Variants in GLIS3 observed in about 807,000 individuals in gnomAD.
The protein encoded by GLIS3 is GLIS family zinc finger 3.
Under a neutral mutation model 78.6 loss-of-function variants are expected in GLIS3, and 53 were observed. That is an observed-to-expected ratio of 0.67 (90% confidence interval 0.54 to 0.85). The LOEUF (loss-of-function observed/expected upper bound fraction) is 0.85, where lower values mean the gene tolerates loss of function less well. Among genes scored for constraint, GLIS3 ranks in the 40% least tolerant of loss-of-function variants. The pLI, the probability that GLIS3 is intolerant of heterozygous loss-of-function variation, is 0.00. For missense variants in GLIS3, 1,703 were observed against 1,231.1 expected (o/e 1.38, Z -5.74); for synonymous variants, 684 against 509.9 (o/e 1.34, Z -4.60).
intron 2 of GLIS3, among the ~76,000 whole-genome samples, chr9:4,148,656 T>C (rs149682375): frequency 3.9e-3 from 597 of 152,216 alleles, no homozygotes; most frequent in Non-Finnish European, 7.0e-3. Flanking sequence ...AGCTTCCTAA[T>C]GCCTATGAAC....
intron 2 of GLIS3, among the ~76,000 whole-genome samples, chr9:4,211,089 C>G (rs1419643188): frequency 6.6e-6 from 1 of 152,204 alleles, no homozygotes; most frequent in Non-Finnish European, 1.5e-5. Context: ...GGCTAAATTC[C>G]TTGAGCATCT....
At chr9:4,326,104 C>T (rs1817594483) in intron 2 of GLIS3, among the ~76,000 whole-genome samples, 1 of 152,170 alleles carries the variant, frequency 6.6e-6, no homozygotes, top group African/African-American at 2.4e-5. Flanking sequence ...GGACGCTGGG[C>T]TTACTTCCTA....
chr9:4,251,579 T>A (rs922040889), intron 2 of GLIS3, among the ~76,000 whole-genome samples: 1 of 152,200 alleles, frequency 6.6e-6, no homozygotes, highest in African/African-American at 2.4e-5. Context: ...CCAATCTGCG[T>A]CTAATTGGGG....
intron 4 of GLIS3, among the ~76,000 whole-genome samples, chr9:4,097,916 T>C (rs1830086984): frequency 6.6e-6 from 1 of 152,182 alleles, no homozygotes; most frequent in Admixed American, 6.5e-5. Context: ...TCAATTTTTT[T>C]TGTGGGTCAT....
chr9:3,886,247 A>C (rs757074147), intron 7 of GLIS3, among the ~76,000 whole-genome samples: 17 of 152,330 alleles, frequency 1.1e-4, no homozygotes, highest in Admixed American at 2.6e-4. Flanking sequence ...AAGAGTTTAC[A>C]TACCATTCTC....
intron 2 of GLIS3, among the ~76,000 whole-genome samples, chr9:4,221,677 G>A (rs896430106): frequency 6.6e-6 from 1 of 152,152 alleles, no homozygotes; most frequent in Admixed American, 6.5e-5. Context: ...TTGGTTACCA[G>A]GGGGTTATAC....
At chr9:4,394,947 A>G in the GLIS3 span, among the ~76,000 whole-genome samples, 1 of 152,230 alleles carries the variant, frequency 6.6e-6, no homozygotes, top group Non-Finnish European at 1.5e-5. Context: ...TGGGGAAAAT[A>G]TACTATTATT....
chr9:4,331,076 G>T (rs1303310821), intron 2 of GLIS3, among the ~76,000 whole-genome samples: 2 of 152,152 alleles, frequency 1.3e-5, no homozygotes, highest in Non-Finnish European at 2.9e-5. Context: ...TAACAAATTA[G>T]CATAAACTGC....
chr9:4,097,498 G>C (rs1448839024), intron 4 of GLIS3, among the ~76,000 whole-genome samples: 2 of 152,026 alleles, frequency 1.3e-5, no homozygotes, highest in African/African-American at 4.8e-5. Flanking sequence ...CAGAGGAAGG[G>C]AGGAGGCATC....
At chr9:4,148,337 C>G (rs1404976815) in intron 2 of GLIS3, among the ~76,000 whole-genome samples, 1 of 152,116 alleles carries the variant, frequency 6.6e-6, no homozygotes, top group Non-Finnish European at 1.5e-5. Context: ...CTCCAGGCAG[C>G]CTGAAATCCC....
chr9:4,185,193 A>T (rs977612817), intron 2 of GLIS3, among the ~76,000 whole-genome samples: 3 of 152,224 alleles, frequency 2.0e-5, no homozygotes, highest in Non-Finnish European at 4.4e-5. Flanking sequence ...CCAACGCAAA[A>T]TGCAAATCAC....
chr9:4,306,635 G>C (rs1817235248), intron 4 of GLIS3, among the ~76,000 whole-genome samples: 1 of 152,166 alleles, frequency 6.6e-6, no homozygotes, highest in Admixed American at 6.5e-5. Flanking sequence ...GATTTTCCTG[G>C]AATGGCATTC....
chr9:4,340,444 G>T (rs1817818347), intron 2 of GLIS3, among the ~76,000 whole-genome samples: 1 of 152,020 alleles, frequency 6.6e-6, no homozygotes, highest in South Asian at 2.1e-4. Flanking sequence ...CTTTTATTTT[G>T]TCTTACCCAG....
the GLIS3 span, among the ~76,000 whole-genome samples, chr9:4,480,241 G>A: frequency 3.2e-5 from 4 of 125,486 alleles, no homozygotes; most frequent in Non-Finnish European, 3.1e-5. Flanking sequence ...GTCTCACTGT[G>A]TTGCCCAGGC....
At chr9:4,385,721 G>C in the GLIS3 span, among the ~76,000 whole-genome samples, 1 of 49,390 alleles carries the variant, frequency 2.0e-5, no homozygotes, top group Non-Finnish European at 4.0e-5. Context: ...GAGAGAGAGA[G>C]AGAAAGAAAG....
chr9:4,318,092 G>A (rs1343243574), intron 2 of GLIS3, among the ~76,000 whole-genome samples: 1 of 152,206 alleles, frequency 6.6e-6, no homozygotes, highest in East Asian at 1.9e-4. Context: ...TGGGAAAGGA[G>A]GAAGCATGCT....
At position 3,824,141 on chromosome 9, in the gene GLIS3, G is replaced by T. The variant is rs1817602601; in HGVS notation, c.*4131C>A. On this transcript the variant is annotated 3_prime_UTR_variant, in exon 11 of 11. Transcript: ENST00000381971. ...AATAACCAATAAAACATGTATAAAA[G>T]CTTTAATTAAATCTGATGAAATAAA... 6.6e-6 allele frequency: 1 copy of T among 152,494 alleles called. No individual in the cohort carries two copies. Among genetic ancestry groups the T allele is most frequent in the Non-Finnish European group, 1.5e-5 (1 of 68,012 alleles). 9.4% of individuals were successfully genotyped at this position (152,494 alleles called of 1,614,324 possible).
chr9:4,179,893 G>T (rs1480492806), intron 2 of GLIS3, among the ~76,000 whole-genome samples: 1 of 144,642 alleles, frequency 6.9e-6, no homozygotes, highest in African/African-American at 2.6e-5. Flanking sequence ...CTGGGTGAGA[G>T]AGCGAGACTC....
intron 2 of GLIS3, among the ~76,000 whole-genome samples, chr9:4,174,156 C>T (rs1816625953): frequency 6.6e-6 from 1 of 151,954 alleles, no homozygotes; most frequent in African/African-American, 2.4e-5. Context: ...TAGTTTGCCC[C>T]CAAAGAATAA....
Sources: gnomAD v4.1 joint callset for allele counts (sites outside exome capture counted in the v4.1 genomes callset) on GRCh38, gnomAD v4.1.1 for gene constraint, MANE v1.5 for transcripts, NCBI Gene and HGNC (gene_info 2026-07-23, HGNC 2026-07-21) for gene names.